Variants in INO80 observed in about 807,000 individuals in gnomAD.
The protein encoded by INO80 is chromatin-remodeling ATPase INO80.
A neutral mutation model predicts 203.4 loss-of-function variants in INO80; 20 were observed. The ratio of observed to expected loss-of-function variants is 0.10; its 90% CI spans 0.07 to 0.14. The LOEUF (loss-of-function observed/expected upper bound fraction) is 0.14. Among genes scored for constraint, INO80 ranks in the 10% least tolerant of loss-of-function variants. INO80 has a pLI of 1.00. For synonymous variants in INO80, 726 were observed against 685.2 expected, an observed-to-expected ratio of 1.06 and a Z score of -0.93; for missense variants, 1,419 against 1,914.4, an observed-to-expected ratio of 0.74 and a Z score of 4.83.
At chr15:41,102,536 C>T (rs1044156772) in intron 1 of INO80, among the ~76,000 whole-genome samples, 3 of 150,938 alleles carry the variant, frequency 2.0e-5, no homozygotes, top group Middle Eastern at 3.2e-3. Flanking sequence ...GGTGTGGTGG[C>T]GGGTTTGCCT....
intron 6 of INO80, among the ~76,000 whole-genome samples, chr15:41,086,830 G>A (rs1190344119): frequency 1.3e-5 from 2 of 152,098 alleles, no homozygotes; most frequent in Admixed American, 1.3e-4. Flanking sequence ...ATCAGGAGGT[G>A]ATCTATTTTA....
At position 41,055,591 on chromosome 15, in the gene INO80, T is replaced by C. The variant is rs574822521; in HGVS notation, c.2071-227A>G. Among the ~76,000 whole-genome samples, 12 of 152,340 alleles carry C rather than the reference T, an allele frequency of 7.9e-5. No individual in the cohort carries two copies. The South Asian group carries it at 2.5e-3, about 32-fold the overall frequency. On this transcript the variant is annotated intron_variant, in intron 17 of 35. Transcript: ENST00000648947. ...CAAAATGTGATTCTTTTTCAACTAA[T>C]TTCAAACTAAAAGTTTCAAAGCGCA...
At chr15:40,981,466 T>C (rs1302357730) in intron 35 of INO80, among the ~76,000 whole-genome samples, 1 of 152,160 alleles carries the variant, frequency 6.6e-6, no homozygotes, top group Non-Finnish European at 1.5e-5. Flanking sequence ...GCTATTATAC[T>C]TCATATTTCC....
chr15:41,098,449 A>C (rs1003532196), intron 1 of INO80, among the ~76,000 whole-genome samples: 2 of 152,126 alleles, frequency 1.3e-5, no homozygotes, highest in African/African-American at 4.8e-5. Context: ...CTGAAGTGGG[A>C]GGATCACTTC....
At chr15:40,996,328 T>C (rs1034230788) in intron 29 of INO80, among the ~76,000 whole-genome samples, 3 of 152,170 alleles carry the variant, frequency 2.0e-5, no homozygotes, top group African/African-American at 7.2e-5. Context: ...TCAAAAAGAA[T>C]CCTCTTTTCT....
intron 25 of INO80, among the ~76,000 whole-genome samples, chr15:41,025,409 T>C (rs925611289): frequency 1.3e-5 from 2 of 152,184 alleles, no homozygotes; most frequent in African/African-American, 2.4e-5. Flanking sequence ...CTCATCTTTA[T>C]TGGCTCTTTA....
At chr15:40,982,518 C>T (rs964647662) in intron 35 of INO80, among the ~76,000 whole-genome samples, 17 of 152,166 alleles carry the variant, frequency 1.1e-4, no homozygotes, top group Non-Finnish European at 2.2e-4. Flanking sequence ...GCTGAATGAA[C>T]GTTAACTATG....
At chr15:41,089,421 A>C (rs1439593009) in intron 5 of INO80, among the ~76,000 whole-genome samples, 1 of 152,136 alleles carries the variant, frequency 6.6e-6, no homozygotes, top group East Asian at 1.9e-4. Flanking sequence ...CAAATATACT[A>C]TTGCTCATTA....
chr15:41,011,915 T>A (rs983725324), intron 27 of INO80, among the ~76,000 whole-genome samples: 1 of 152,220 alleles, frequency 6.6e-6, no homozygotes, highest in African/African-American at 2.4e-5. Context: ...ACTATTATCA[T>A]ATGTTGGTAG....
chr15:41,009,728 T>C (rs1030499118), intron 27 of INO80, among the ~76,000 whole-genome samples: 5 of 151,986 alleles, frequency 3.3e-5, no homozygotes, highest in Admixed American at 1.3e-4. Flanking sequence ...GTTGGAACTA[T>C]AGGCATGCAC....
chr15:41,045,154 T>C, intron 23 of INO80, 79 bp from the exon 24 acceptor site: 1 of 1,064,228 alleles, frequency 9.4e-7, no homozygotes, highest in Non-Finnish European at 1.3e-6. Context: ...AAGGATTGTC[T>C]CTCATTAACA....
chr15:41,109,903 G>A (rs569662325), intron 1 of INO80, among the ~76,000 whole-genome samples: 2 of 150,604 alleles, frequency 1.3e-5, no homozygotes, highest in South Asian at 2.1e-4. Flanking sequence ...CTGCACTCCA[G>A]CCTGGACGAC....
rs760650966 is a variant in INO80 at position 41,021,084 on chromosome 15, A to G, written c.3090T>C (p.Ser1030=). ...TCAGAACTCGCCTTTCATATTCTGC[A>G]CTTCGGTCATTGCAGTAAGAATCCA... The part of the protein sequence containing the change: ...VPLDSYCNDR[S]AEYERRVLKE... The change falls in exon 26 of 36, where the codon AGT becomes AGC. Residue 1030 remains serine, a synonymous_variant. Transcript: ENST00000648947. The G allele has an allele frequency of 6.2e-7, 1 of 1,614,078 alleles. No homozygotes were observed. Among genetic ancestry groups the G allele is most frequent in the East Asian group, 2.2e-5 (1 of 44,904 alleles).
chr15:41,111,432 G>A (rs1426125713), intron 1 of INO80, among the ~76,000 whole-genome samples: 3 of 152,048 alleles, frequency 2.0e-5, no homozygotes, highest in East Asian at 1.9e-4. Context: ...GCGAGAGAGC[G>A]AGACTCCGTC....
intron 16 of INO80, 124 bp downstream of exon 16, chr15:41,058,515 A>G: frequency 1.1e-6 from 1 of 917,866 alleles, no homozygotes; most frequent in East Asian, 3.0e-5. Flanking sequence ...ATTAAATAAA[A>G]CTTCTCATAT....
At position 41,107,810 on chromosome 15, in the gene INO80, T is replaced by C. The variant is rs181543658; in HGVS notation, c.-44+8163A>G. ...GCGAGACTATGTCTCAATAAATAAA[T>C]AAATAAATAGGCCGGGCATGGTGGC... On this transcript the variant is annotated intron_variant, in intron 1 of 35. Coordinates refer to ENST00000648947, the MANE Select transcript of INO80 (RefSeq NM_017553.3). Among the ~76,000 whole-genome samples, 448 of 148,204 alleles carry C rather than the reference T, an allele frequency of 3.0e-3. 2 individuals are homozygous for C. The highest frequency in any genetic ancestry group is 5.6e-3 in the Non-Finnish European group (376 of 67,136).
intron 27 of INO80, 67 bp downstream of exon 27, chr15:41,016,021 C>G: frequency 7.6e-7 from 1 of 1,316,790 alleles, no homozygotes; most frequent in Non-Finnish European, 1.1e-6. Flanking sequence ...TAACATTAGT[C>G]ATGGACATCT....
chr15:41,099,036 G>C (rs1440328406), intron 1 of INO80, among the ~76,000 whole-genome samples: 1 of 151,818 alleles, frequency 6.6e-6, no homozygotes, highest in Non-Finnish European at 1.5e-5. Context: ...CTTGAGCCCA[G>C]GAGTTTGAGA....
At position 41,024,449 on chromosome 15, in the gene INO80, C is replaced by T. The variant is rs577941130; in HGVS notation, c.3048+3147G>A. Reference sequence around the variant, plus strand: ...ATGAAGCATGACGTACCGTTCTTCCCTCCCCACAAAAAATGCATACTCTCC... The same window carrying T: ...ATGAAGCATGACGTACCGTTCTTCCTTCCCCACAAAAAATGCATACTCTCC... On this transcript the variant is annotated intron_variant, in intron 25 of 35. Coordinates refer to ENST00000648947, the MANE Select transcript of INO80 (RefSeq NM_017553.3). 3.3e-5 allele frequency: 5 copies of T among 152,258 alleles called. No homozygotes were observed. In the South Asian group the frequency reaches 1.0e-3, roughly 32 times the overall value. 9.4% of individuals were successfully genotyped at this position (152,258 alleles called of 1,614,324 possible). A position where few individuals can be genotyped will look rare whatever the true frequency, so the allele number is the denominator to read the frequency against.
Sources: gnomAD v4.1 joint callset for allele counts (sites outside exome capture counted in the v4.1 genomes callset) on GRCh38, gnomAD v4.1.1 for gene constraint, MANE v1.5 for transcripts, NCBI Gene and HGNC (gene_info 2026-07-23, HGNC 2026-07-21) for gene names.